GRID1: variants seen among roughly 807,000 people sequenced by gnomAD.
GRID1 encodes glutamate receptor ionotropic, delta-1.
GRID1 carries 28 observed loss-of-function variants against 98.0 expected under a neutral mutation model. That is an observed-to-expected ratio of 0.29 (90% CI 0.21 to 0.39). The LOEUF is 0.39. GRID1 is among the 10% of genes least tolerant of loss of function. GRID1 has a pLI of 1.00. For missense variants in GRID1, 1,111 were observed against 1,340.5 expected (o/e 0.83, Z 2.67); for synonymous variants, 553 against 538.5 (o/e 1.03, Z -0.37).
chr10:86,068,213 A>G (rs1843747550), intron 4 of GRID1, among the ~76,000 whole-genome samples: 1 of 152,208 alleles, frequency 6.6e-6, no homozygotes, highest in South Asian at 2.1e-4. Flanking sequence ...CAAAGGCAAG[A>G]TGTGACCCAG....
chr10:86,177,308 G>A (rs959196036), intron 3 of GRID1, among the ~76,000 whole-genome samples: 1 of 152,176 alleles, frequency 6.6e-6, no homozygotes, highest in African/African-American at 2.4e-5. Context: ...CTGCTTCTGA[G>A]CCACCCCGTG....
At chr10:86,112,632 T>C (rs923425585) in intron 4 of GRID1, among the ~76,000 whole-genome samples, 6 of 152,018 alleles carry the variant, frequency 3.9e-5, no homozygotes, top group African/African-American at 1.4e-4. Context: ...GTGATTGTGG[T>C]GTCTGCCAGG....
At chr10:86,362,611 C>T (rs1334363944) in intron 2 of GRID1, among the ~76,000 whole-genome samples, 2 of 152,198 alleles carry the variant, frequency 1.3e-5, no homozygotes, top group Non-Finnish European at 2.9e-5. Flanking sequence ...AGTCCCCGGT[C>T]CCTGCCCCCA....
At chr10:85,611,026 G>A (rs1842727004) in intron 15 of GRID1, among the ~76,000 whole-genome samples, 1 of 152,178 alleles carries the variant, frequency 6.6e-6, no homozygotes, top group Non-Finnish European at 1.5e-5. Flanking sequence ...TTTCATAACT[G>A]AGATCCTGGA....
intron 2 of GRID1, among the ~76,000 whole-genome samples, chr10:86,223,734 A>G (rs1489289900): frequency 6.6e-6 from 1 of 152,264 alleles, no homozygotes; most frequent in African/African-American, 2.4e-5. Context: ...CGGCTTTCCA[A>G]GAAGTGACTG....
intron 3 of GRID1, among the ~76,000 whole-genome samples, chr10:86,157,362 A>T (rs1351031402): frequency 6.6e-6 from 1 of 152,100 alleles, no homozygotes; most frequent in Non-Finnish European, 1.5e-5. Context: ...ATGGCATGAG[A>T]CCCAGAAGGC....
At chr10:85,841,728 C>G (rs1352898904) in intron 8 of GRID1, among the ~76,000 whole-genome samples, 1 of 151,966 alleles carries the variant, frequency 6.6e-6, no homozygotes, top group Non-Finnish European at 1.5e-5. Flanking sequence ...TGAAAAAAAG[C>G]TCAACATCAC....
chr10:85,799,283 C>T (rs1842553719), intron 8 of GRID1, among the ~76,000 whole-genome samples: 1 of 152,066 alleles, frequency 6.6e-6, no homozygotes, highest in African/African-American at 2.4e-5. Context: ...GTAATGCCTC[C>T]AGCTTTGTTC....
chr10:85,923,322 C>G (rs1391608712), intron 4 of GRID1, among the ~76,000 whole-genome samples: 2 of 152,158 alleles, frequency 1.3e-5, no homozygotes, highest in African/African-American at 4.8e-5. Context: ...ACTCCCAGCT[C>G]TAGGAAAGCC....
intron 4 of GRID1, among the ~76,000 whole-genome samples, chr10:86,065,436 TC>T (rs1843706344): frequency 6.6e-6 from 1 of 152,188 alleles, no homozygotes; most frequent in Non-Finnish European, 1.5e-5. Context: ...CATACCCCCA[TC>T]CTTCCGGCCT....
At chr10:86,280,729 C>A (rs1413295219) in intron 2 of GRID1, among the ~76,000 whole-genome samples, 1 of 152,204 alleles carries the variant, frequency 6.6e-6, no homozygotes, top group African/African-American at 2.4e-5. Context: ...CCCTAACCTC[C>A]TTTCACTGAC....
chr10:85,853,384 T>C (rs1195761059), intron 8 of GRID1, among the ~76,000 whole-genome samples: 1 of 152,216 alleles, frequency 6.6e-6, no homozygotes, highest in Non-Finnish European at 1.5e-5. Flanking sequence ...GCGAGGACTG[T>C]CCTTCATGCT....
At chr10:85,906,767 A>G (rs1394301190) in intron 5 of GRID1, among the ~76,000 whole-genome samples, 7 of 152,232 alleles carry the variant, frequency 4.6e-5, no homozygotes, top group Non-Finnish European at 8.8e-5. Context: ...CATAGCAAAG[A>G]AAAAGACAGG....
chr10:85,887,409 C>T (rs991801723), intron 5 of GRID1, among the ~76,000 whole-genome samples: 2 of 152,188 alleles, frequency 1.3e-5, no homozygotes, highest in African/African-American at 4.8e-5. Context: ...CCCTGGTTTG[C>T]ACAGGCCACA....
At chr10:85,771,301 C>A (rs530400916) in intron 8 of GRID1, among the ~76,000 whole-genome samples, 2 of 152,166 alleles carry the variant, frequency 1.3e-5, no homozygotes, top group Non-Finnish European at 2.9e-5. Context: ...GAGGCCTGCC[C>A]TGAAAGAGCT....
At chr10:86,099,435 A>G (rs1266840289) in intron 4 of GRID1, among the ~76,000 whole-genome samples, 2 of 152,174 alleles carry the variant, frequency 1.3e-5, no homozygotes, top group Non-Finnish European at 1.5e-5. Context: ...CAAGAAAATC[A>G]TCATGGCAGG....
chr10:86,060,255 A>AC (rs1843630918), intron 4 of GRID1, among the ~76,000 whole-genome samples: 1 of 152,248 alleles, frequency 6.6e-6, no homozygotes, highest in Non-Finnish European at 1.5e-5. Flanking sequence ...AAGAGTTTTT[A>AC]TGTTCAACTA....
At chr10:86,186,976 G>A in intron 3 of GRID1, among the ~76,000 whole-genome samples, 1 of 152,198 alleles carries the variant, frequency 6.6e-6, no homozygotes, top group East Asian at 1.9e-4. Context: ...TTAAGCTGGG[G>A]AAACCAGGTT....
At chr10:85,779,531 T>C (rs1235443310) in intron 8 of GRID1, among the ~76,000 whole-genome samples, 1 of 151,894 alleles carries the variant, frequency 6.6e-6, no homozygotes, top group Non-Finnish European at 1.5e-5. Context: ...ATAGACTCCT[T>C]TGCAAATCAG....
Sources: gnomAD v4.1 joint callset for allele counts (sites outside exome capture counted in the v4.1 genomes callset) on GRCh38, gnomAD v4.1.1 for gene constraint, MANE v1.5 for transcripts, NCBI Gene and HGNC (gene_info 2026-07-23, HGNC 2026-07-21) for gene names.